The following NRXN1 variants were observed in gnomAD, a reference collection of about 807,000 sequenced individuals.
NRXN1 encodes neurexin-1.
Under a neutral mutation model 150.9 loss-of-function variants are expected in NRXN1, and 39 were observed. The ratio of observed to expected loss-of-function variants is 0.26; its 90% CI spans 0.20 to 0.34. The LOEUF is 0.34. Among genes scored for constraint, NRXN1 ranks in the 10% least tolerant of loss-of-function variants. The pLI is 1.00. For synonymous variants in NRXN1, 924 were observed against 757.0 expected (o/e 1.22, Z -3.62); for missense variants, 1,815 against 1,949.9 (o/e 0.93, Z 1.30).
intron 5 of NRXN1, among the ~76,000 whole-genome samples, chr2:50,668,438 G>A (rs1688376184): frequency 6.6e-6 from 1 of 151,886 alleles, no homozygotes; most frequent in South Asian, 2.1e-4. Context: ...GTATCCATAA[G>A]TTATATGAAA....
chr2:50,647,836 T>C (rs544455451), intron 5 of NRXN1, among the ~76,000 whole-genome samples: 23 of 152,030 alleles, frequency 1.5e-4, no homozygotes, highest in African/African-American at 5.3e-4. Flanking sequence ...TTTCACATTC[T>C]AATGACAGAA....
chr2:50,400,976 G>C (rs142763319), intron 17 of NRXN1, among the ~76,000 whole-genome samples: 27 of 152,270 alleles, frequency 1.8e-4, no homozygotes, highest in African/African-American at 6.5e-4. Context: ...TCCCAGAGCA[G>C]AGGCTCTTGT....
At chr2:50,440,108 C>T (rs373110638) in intron 17 of NRXN1, among the ~76,000 whole-genome samples, 3 of 152,128 alleles carry the variant, frequency 2.0e-5, no homozygotes, top group East Asian at 1.9e-4. Context: ...GGATTTGTTC[C>T]GTTGGAAGCA....
chr2:50,168,240 G>A lies in NRXN1; in HGVS notation c.3546+68549C>T, dbSNP rs17040076. On this transcript the variant is annotated intron_variant, in intron 18 of 22. Transcript: ENST00000401669. Reference sequence around the variant, plus strand: ...GCATGCATTGCAAATACTGGACTGTGGAAAATTAATAGTTTTAACCCTTAA... The same window carrying A: ...GCATGCATTGCAAATACTGGACTGTAGAAAATTAATAGTTTTAACCCTTAA... 4.7e-3 allele frequency among the ~76,000 whole-genome samples: 719 copies of A among 152,176 alleles called. 6 individuals are homozygous for A. The highest frequency in any genetic ancestry group is 0.016 in the African/African-American group (667 of 41,522).
Position 50,472,425 on chromosome 2 carries a change from T to C in NRXN1, c.3117A>G (p.Leu1039=). The C allele has an allele frequency of 1.9e-6, 3 of 1,612,250 alleles. No homozygotes were observed. The highest frequency in any genetic ancestry group is 2.5e-6 in the Non-Finnish European group (3 of 1,178,814). The change falls in exon 16 of 23, where the codon TTA becomes TTG. Residue 1039 remains leucine, a synonymous_variant. Coordinates refer to ENST00000401669, the MANE Select transcript of NRXN1 (RefSeq NM_001330078.2). ...GGVAKETYKS[L]PKLVHAKEGF... The stretch of plus-strand genomic sequence containing the variant: ...CTTCTTTGGCATGTACAAGTTTTGG[T>C]AAGGATTTGTATGTTTCTTTAGCTA...
intron 17 of NRXN1, among the ~76,000 whole-genome samples, chr2:50,457,674 G>T (rs1336792726): frequency 6.6e-6 from 1 of 151,840 alleles, no homozygotes; most frequent in Non-Finnish European, 1.5e-5. Context: ...TTCCTCAAAA[G>T]AAGACATATA....
intron 5 of NRXN1, among the ~76,000 whole-genome samples, chr2:50,748,484 C>T (rs1399459454): frequency 6.6e-6 from 1 of 152,046 alleles, no homozygotes; most frequent in African/African-American, 2.4e-5. Context: ...TAGCGTACAG[C>T]CTTTCATATT....
rs537524922 is a variant in NRXN1 at position 50,110,509 on chromosome 2, A to G, written c.3547-19015T>C. ...TCTGTCTCAAAAAAAAAAAAAAAAA[A>G]AAAGAAAGAAAGAATGTTGAGAAAG... is the stretch of plus-strand genomic sequence containing the variant. On this transcript the variant is annotated intron_variant, in intron 18 of 22. Transcript: ENST00000401669. Among the ~76,000 whole-genome samples, 237 of 151,288 alleles carry G rather than the reference A, an allele frequency of 1.6e-3. No individual in the cohort carries two copies. The East Asian group carries it at 0.026, about 17-fold the overall frequency.
At chr2:50,584,204 C>T (rs1241122554) in intron 8 of NRXN1, among the ~76,000 whole-genome samples, 2 of 152,110 alleles carry the variant, frequency 1.3e-5, no homozygotes, top group Admixed American at 1.3e-4. Context: ...ATAATGGGTT[C>T]AAAGGTATGT....
intron 5 of NRXN1, chr2:50,918,742 T>C (rs1025077013): frequency 1.2e-5 from 4 of 322,390 alleles, no homozygotes; most frequent in African/African-American, 8.5e-5. Context: ...ACATACTTCA[T>C]TCAAGGCAAA....
At chr2:50,652,007 G>C (rs1388339829) in intron 5 of NRXN1, among the ~76,000 whole-genome samples, 2 of 152,024 alleles carry the variant, frequency 1.3e-5, no homozygotes, top group Non-Finnish European at 2.9e-5. Flanking sequence ...CAGAGTAATG[G>C]AGCATTTTCC....
At chr2:50,765,524 C>G (rs768528359) in intron 5 of NRXN1, among the ~76,000 whole-genome samples, 1 of 152,010 alleles carries the variant, frequency 6.6e-6, no homozygotes, top group Non-Finnish European at 1.5e-5. Context: ...CTAAACAGTG[C>G]GTTGGTATGA....
At chr2:50,847,408 C>A (rs1250591471) in intron 5 of NRXN1, among the ~76,000 whole-genome samples, 1 of 152,084 alleles carries the variant, frequency 6.6e-6, no homozygotes, top group Non-Finnish European at 1.5e-5. Flanking sequence ...CTAGGTCTGA[C>A]TGCAGGGGAA....
intron 15 of NRXN1, among the ~76,000 whole-genome samples, chr2:50,482,824 G>A (rs534941697): frequency 1.6e-4 from 24 of 152,088 alleles, no homozygotes; most frequent in African/African-American, 4.3e-4. Context: ...CAACAGGCGC[G>A]GTGGCTCAGG....
chr2:50,207,013 A>G (rs2062643437), intron 18 of NRXN1, among the ~76,000 whole-genome samples: 2 of 151,986 alleles, frequency 1.3e-5, no homozygotes, highest in Non-Finnish European at 1.5e-5. Context: ...CATTAGGTTA[A>G]AAACAGCTGC....
At chr2:50,572,531 C>A (rs1488917021) in intron 8 of NRXN1, among the ~76,000 whole-genome samples, 1 of 151,930 alleles carries the variant, frequency 6.6e-6, no homozygotes, top group Non-Finnish European at 1.5e-5. Context: ...CAATATGTAC[C>A]AGTCAGTATG....
chr2:50,898,313 T>G (rs1263760586), intron 5 of NRXN1, among the ~76,000 whole-genome samples: 3 of 152,172 alleles, frequency 2.0e-5, no homozygotes, highest in East Asian at 3.9e-4. Context: ...CTGCTTTCAA[T>G]GTAACTATCA....
At chr2:49,934,879 T>C (rs534260410) in intron 22 of NRXN1, among the ~76,000 whole-genome samples, 1 of 152,300 alleles carries the variant, frequency 6.6e-6, no homozygotes, top group South Asian at 2.1e-4. Context: ...GCCCTCCTCC[T>C]ACCATAGGAA....
At chr2:50,426,348 TA>T (rs2084489746) in intron 17 of NRXN1, among the ~76,000 whole-genome samples, 1 of 152,206 alleles carries the variant, frequency 6.6e-6, no homozygotes. Flanking sequence ...TTTTATTAAT[TA>T]AAACAATTCT....
Sources: allele counts gnomAD v4.1 joint callset (sites outside exome capture counted in the v4.1 genomes callset), GRCh38; gene constraint gnomAD v4.1.1; transcripts MANE v1.5; gene names NCBI Gene and HGNC (gene_info 2026-07-23, HGNC 2026-07-21).